The following FMNL2 variants were observed in gnomAD, a reference collection of about 807,000 sequenced individuals.
The protein encoded by FMNL2 is formin like 2, also known as formin-like protein 2.
Under a neutral mutation model 130.2 loss-of-function variants are expected in FMNL2, and 51 were observed. The observed-to-expected ratio is 0.39, with a 90% CI of 0.31 to 0.49. FMNL2 has a LOEUF of 0.49. FMNL2 is among the 20% of genes least tolerant of loss of function. FMNL2 has a pLI of 0.85. For synonymous variants in FMNL2, 465 were observed against 467.1 expected (o/e 1.00, Z 0.06); for missense variants, 977 against 1,316.2 (o/e 0.74, Z 3.99).
chr2:152,460,803 C>T (rs530252090), intron 1 of FMNL2, among the ~76,000 whole-genome samples: 15 of 152,270 alleles, frequency 9.9e-5, no homozygotes, highest in East Asian at 3.9e-4. Flanking sequence ...GATCTGTTAC[C>T]GTCTCCCATC....
At chr2:152,593,534 C>T (rs952989920) in intron 9 of FMNL2, among the ~76,000 whole-genome samples, 2 of 151,874 alleles carry the variant, frequency 1.3e-5, no homozygotes, top group African/African-American at 4.8e-5. Flanking sequence ...CAGTTTGTGG[C>T]CATGGCAATG....
At chr2:152,635,831 A>G (rs1682551419) in intron 21 of FMNL2, among the ~76,000 whole-genome samples, 2 of 152,214 alleles carry the variant, frequency 1.3e-5, no homozygotes, top group Admixed American at 6.5e-5. Context: ...AATACAACCT[A>G]TGGTCAACCG....
chr2:152,541,808 A>G (rs1694324569), intron 2 of FMNL2, among the ~76,000 whole-genome samples: 1 of 151,998 alleles, frequency 6.6e-6, no homozygotes, highest in African/African-American at 2.4e-5. Flanking sequence ...CATTCATAGG[A>G]GCATGCAGTA....
intron 1 of FMNL2, among the ~76,000 whole-genome samples, chr2:152,513,059 C>T (rs1304655594): frequency 2.0e-5 from 3 of 152,130 alleles, no homozygotes; most frequent in Admixed American, 2.0e-4. Flanking sequence ...TCTTTAACAG[C>T]TTCATTGAGA....
chr2:152,523,950 G>C (rs1213560244), intron 2 of FMNL2, among the ~76,000 whole-genome samples: 2 of 152,120 alleles, frequency 1.3e-5, no homozygotes, highest in African/African-American at 4.8e-5. Flanking sequence ...TTGCATTATT[G>C]GCAGAGAGGG....
chr2:152,383,435 A>G (rs1335841968), intron 1 of FMNL2, among the ~76,000 whole-genome samples: 1 of 152,028 alleles, frequency 6.6e-6, no homozygotes, highest in African/African-American at 2.4e-5. Context: ...TTGTAAGCTT[A>G]AAATGTTCCG....
chr2:152,335,341 C>G lies in FMNL2; in HGVS notation c.-263C>G, dbSNP rs1199394283. On this transcript the variant is annotated 5_prime_UTR_variant, in exon 1 of 26. Coordinates refer to ENST00000288670, the MANE Select transcript of FMNL2 (RefSeq NM_052905.4). Reference sequence around the variant, plus strand: ...CAGCGGAGCACCATGCACATAGGCGCCCAGCGCCCCAACTACCCCTCCCGA... The same window carrying G: ...CAGCGGAGCACCATGCACATAGGCGGCCAGCGCCCCAACTACCCCTCCCGA... 4.6e-6 allele frequency: 1 copy of G among 217,224 alleles called. No individual in the cohort carries two copies. The highest frequency in any genetic ancestry group is 8.9e-6 in the Non-Finnish European group (1 of 112,462). The allele number at this position is 217,224 out of a possible 1,614,324, so 13.5% of individuals were successfully genotyped here. A position where few individuals can be genotyped will look rare whatever the true frequency, so the allele number is the denominator to read the frequency against.
In FMNL2 at chr2:152,529,198, T is replaced by C. The variant is rs527977639; in HGVS notation, c.201+7172T>C. The stretch of plus-strand genomic sequence containing the variant: ...TTCATTGACTAGGCATTTAGTTTTA[T>C]AGGTGAGGGAAAGGAAAGAGTGAGG... On this transcript the variant is annotated intron_variant, in intron 2 of 25. Coordinates refer to ENST00000288670, the MANE Select transcript of FMNL2 (RefSeq NM_052905.4). Among the ~76,000 whole-genome samples the C allele has an allele frequency of 1.7e-4, 26 of 152,278 alleles. No homozygotes were observed. The South Asian group carries it at 5.4e-3, about 32-fold the overall frequency.
At chr2:152,354,514 A>G (rs1682680714) in intron 1 of FMNL2, among the ~76,000 whole-genome samples, 1 of 152,212 alleles carries the variant, frequency 6.6e-6, no homozygotes, top group East Asian at 1.9e-4. Context: ...TATTTTTTCC[A>G]GAAGGTTCTA....
At chr2:152,368,693 C>T (rs906030824) in intron 1 of FMNL2, among the ~76,000 whole-genome samples, 6 of 151,848 alleles carry the variant, frequency 4.0e-5, no homozygotes, top group South Asian at 2.1e-4. Flanking sequence ...AAAGGGGGAG[C>T]GAAGGGAACC....
chr2:152,635,469 AAAAT>A (rs1315855968), intron 21 of FMNL2, among the ~76,000 whole-genome samples: 1 of 152,256 alleles, frequency 6.6e-6, no homozygotes, highest in Non-Finnish European at 1.5e-5. Flanking sequence ...TCCGTAGTCT[AAAAT>A]AAATACAAAC....
At position 152,616,752 on chromosome 2, in the gene FMNL2, A is replaced by G. The variant is rs771511802; in HGVS notation, c.1213-339A>G. ...TTTAGGCTGATGGCCCTTTCTTGGC[A>G]TGGAGTGGGGGATGGAGGTGGACTT... On this transcript the variant is annotated intron_variant, in intron 12 of 25. Coordinates refer to ENST00000288670, the MANE Select transcript of FMNL2 (RefSeq NM_052905.4). Among the ~76,000 whole-genome samples the G allele has an allele frequency of 9.9e-5, 15 of 152,246 alleles. 2 individuals carry two copies. In the Middle Eastern group the frequency reaches 0.01, roughly 104 times the overall value.
chr2:152,344,426 C>T (rs1455109135), intron 1 of FMNL2, among the ~76,000 whole-genome samples: 1 of 151,638 alleles, frequency 6.6e-6, no homozygotes, highest in Non-Finnish European at 1.5e-5. Flanking sequence ...AGAAGTTAAA[C>T]AAAATTTTGG....
intron 11 of FMNL2, among the ~76,000 whole-genome samples, chr2:152,612,625 C>CT (rs909549491): frequency 2.0e-5 from 3 of 151,866 alleles, no homozygotes; most frequent in African/African-American, 4.8e-5. Flanking sequence ...AATTTCCTTC[C>CT]TTTTTTTTGA....
intron 1 of FMNL2, among the ~76,000 whole-genome samples, chr2:152,351,812 C>T (rs1404395781): frequency 6.6e-6 from 1 of 152,136 alleles, no homozygotes; most frequent in Non-Finnish European, 1.5e-5. Flanking sequence ...TTTACACTCC[C>T]ACCAACAGTG....
intron 1 of FMNL2, among the ~76,000 whole-genome samples, chr2:152,493,282 G>T (rs775706042): frequency 2.0e-5 from 3 of 152,152 alleles, no homozygotes; most frequent in African/African-American, 7.2e-5. Flanking sequence ...GCATTTGATA[G>T]GTAGGCTTCC....
chr2:152,421,122 ACAACTCATT>A (rs1686894475), intron 1 of FMNL2, among the ~76,000 whole-genome samples: 1 of 152,166 alleles, frequency 6.6e-6, no homozygotes, highest in Admixed American at 6.6e-5. Context: ...CGCCACCCTA[ACAACTCATT>A]TCCCCTTTAG....
At chr2:152,409,025 G>T (rs1354619816) in intron 1 of FMNL2, among the ~76,000 whole-genome samples, 1 of 147,994 alleles carries the variant, frequency 6.8e-6, no homozygotes, top group Non-Finnish European at 1.5e-5. Flanking sequence ...GGTTAAGAGG[G>T]AAGAAGGGTT....
intron 2 of FMNL2, among the ~76,000 whole-genome samples, chr2:152,540,553 A>G (rs1694252574): frequency 6.6e-6 from 1 of 152,132 alleles, no homozygotes; most frequent in Non-Finnish European, 1.5e-5. Flanking sequence ...GTGTCCTACT[A>G]CAAACCATTC....
Sources: gnomAD v4.1 joint callset for allele counts (sites outside exome capture counted in the v4.1 genomes callset) on GRCh38, gnomAD v4.1.1 for gene constraint, MANE v1.5 for transcripts, NCBI Gene and HGNC (gene_info 2026-07-23, HGNC 2026-07-21) for gene names.